The following GSE1 variants were observed in gnomAD, a reference collection of about 807,000 sequenced individuals.
The protein encoded by GSE1 is genetic suppressor element 1.
Under a neutral mutation model 112.6 loss-of-function variants are expected in GSE1, and 32 were observed. The ratio of observed to expected loss-of-function variants is 0.28; its 90% CI spans 0.21 to 0.38. The LOEUF (loss-of-function observed/expected upper bound fraction) is 0.38. GSE1 is among the 10% of genes least tolerant of loss of function. The pLI is 1.00. For missense variants in GSE1, 2,348 were observed against 1,699.2 expected (o/e 1.38, Z -6.71); for synonymous variants, 1,115 against 735.6 (o/e 1.52, Z -8.35).
intron 1 of GSE1, among the ~76,000 whole-genome samples, chr16:85,232,613 G>T (rs1333303908): frequency 1.3e-5 from 2 of 152,236 alleles, no homozygotes; most frequent in Non-Finnish European, 2.9e-5. Context: ...CCTGTGTGAG[G>T]ACTGGGCAGG....
At chr16:85,312,840 G>C (rs2045891971) in intron 1 of GSE1, among the ~76,000 whole-genome samples, 1 of 151,986 alleles carries the variant, frequency 6.6e-6, no homozygotes, top group Non-Finnish European at 1.5e-5. Context: ...ACTGGCCTCA[G>C]AGGGGAGTAG....
At chr16:85,600,322 C>T (rs965725327) in intron 1 of GSE1, among the ~76,000 whole-genome samples, 2 of 152,162 alleles carry the variant, frequency 1.3e-5, no homozygotes, top group Non-Finnish European at 2.9e-5. Flanking sequence ...AATGGCCAGG[C>T]AGGAGGGGGC....
At chr16:85,478,023 G>C (rs866631171) in intron 2 of GSE1, among the ~76,000 whole-genome samples, 1 of 152,012 alleles carries the variant, frequency 6.6e-6, no homozygotes, top group African/African-American at 2.4e-5. Flanking sequence ...CGGTCACTCC[G>C]CGCTCCTCAT....
chr16:85,672,246 C>T (rs371327993), intron 15 of GSE1, 159 bp from the exon 16 acceptor site: 8 of 621,680 alleles, frequency 1.3e-5, no homozygotes, highest in Non-Finnish European at 2.1e-5. Context: ...CTGCCCGCCT[C>T]GACCTCCAAA....
At chr16:85,181,743 A>G (rs9939234) in intron 1 of GSE1, among the ~76,000 whole-genome samples, 98,384 of 152,056 alleles carry the variant, frequency 0.65, 32,268 homozygotes, top group African/African-American at 0.74. Flanking sequence ...ACTTCCAGAC[A>G]CGACAGGACT....
intron 1 of GSE1, among the ~76,000 whole-genome samples, chr16:85,614,316 C>A (rs1230745991): frequency 6.6e-6 from 1 of 152,142 alleles, no homozygotes; most frequent in African/African-American, 2.4e-5. Context: ...AGAGACACCT[C>A]CTCGGCCGCC....
intron 1 of GSE1, among the ~76,000 whole-genome samples, chr16:85,191,486 G>A (rs1420699199): frequency 2.6e-5 from 4 of 152,154 alleles, no homozygotes; most frequent in African/African-American, 9.7e-5. Flanking sequence ...GCTTGCTGTA[G>A]GAATTTTGGA....
intron 1 of GSE1, among the ~76,000 whole-genome samples, chr16:85,213,627 G>A (rs897759216): frequency 4.6e-5 from 7 of 152,316 alleles, no homozygotes; most frequent in South Asian, 2.1e-4. Context: ...CAGCCAGCCC[G>A]TGTGTGATAG....
chr16:85,540,064 T>A (rs8046413), intron 2 of GSE1, among the ~76,000 whole-genome samples: 1 of 152,234 alleles, frequency 6.6e-6, no homozygotes, highest in African/African-American at 2.4e-5. Flanking sequence ...CCAAAGTCAC[T>A]GCAGGTCTGC....
At chr16:85,192,207 A>G (rs2143456448) in intron 1 of GSE1, among the ~76,000 whole-genome samples, 1 of 152,342 alleles carries the variant, frequency 6.6e-6, no homozygotes, top group South Asian at 2.1e-4. Flanking sequence ...CCAGGACATC[A>G]TGAATGTCTT....
upstream of GSE1, chr16:85,554,854 A>G: frequency 2.0e-6 from 2 of 984,574 alleles, no homozygotes; most frequent in Non-Finnish European, 2.4e-6. Context: ...AGGGGGGGCC[A>G]GCGGCGCCCG....
chr16:85,476,653 T>A (rs1246216279), intron 2 of GSE1, among the ~76,000 whole-genome samples: 1 of 152,166 alleles, frequency 6.6e-6, no homozygotes, highest in African/African-American at 2.4e-5. Context: ...TATTTATTTT[T>A]GAGACAGGGT....
chr16:85,665,490 G>T (rs908082452), intron 12 of GSE1, among the ~76,000 whole-genome samples: 1 of 152,194 alleles, frequency 6.6e-6, no homozygotes, highest in Non-Finnish European at 1.5e-5. Context: ...CCCGCAGCCT[G>T]GTCCTGCCAC....
intron 14 of GSE1, chr16:85,670,754 G>T: frequency 6.9e-6 from 2 of 289,674 alleles, no homozygotes; most frequent in Non-Finnish European, 1.3e-5. Context: ...GTATCAAATT[G>T]CCTTTAGGTC....
chr16:85,612,522 C>T (rs1326986573), upstream of GSE1, among the ~76,000 whole-genome samples: 1 of 152,152 alleles, frequency 6.6e-6, no homozygotes, highest in Non-Finnish European at 1.5e-5. Context: ...GAAGCGGCGC[C>T]TCCGTGGGTT....
rs547245899 is a variant in GSE1 at position 85,428,522 on chromosome 16, C to A, written c.2464+70879C>A. Among the ~76,000 whole-genome samples the A allele has an allele frequency of 3.9e-5, 6 of 152,342 alleles. No homozygotes were observed. The East Asian group carries it at 1.2e-3, about 29-fold the overall frequency. ...GGGGTGCTGAGGCAGTGACGTAGCG[C>A]TTGGAACCAGCACTGCTAGCAGTTT... On this transcript the variant is annotated intron_variant, in intron 2 of 2. Coordinates refer to the GSE1 transcript ENST00000637419.
chr16:85,313,049 C>T (rs138193135), intron 1 of GSE1, among the ~76,000 whole-genome samples: 1,753 of 152,250 alleles, frequency 0.012, 41 homozygotes, highest in African/African-American at 0.04. Flanking sequence ...GGCTGATACT[C>T]GCCAAGGCCC....
intron 1 of GSE1, among the ~76,000 whole-genome samples, chr16:85,563,843 C>T (rs987370932): frequency 3.3e-5 from 5 of 152,238 alleles, no homozygotes; most frequent in East Asian, 1.9e-4. Flanking sequence ...AGGCTGGGCA[C>T]GTGCAGGTCC....
intron 2 of GSE1, among the ~76,000 whole-genome samples, chr16:85,478,021 C>T (rs956330732): frequency 3.3e-5 from 5 of 152,182 alleles, no homozygotes; most frequent in Admixed American, 2.0e-4. Flanking sequence ...AGCGGTCACT[C>T]CGCGCTCCTC....
Sources: gnomAD v4.1 joint callset for allele counts (sites outside exome capture counted in the v4.1 genomes callset) on GRCh38, gnomAD v4.1.1 for gene constraint, MANE v1.5 for transcripts, NCBI Gene and HGNC (gene_info 2026-07-23, HGNC 2026-07-21) for gene names.